Variants in CHD1 observed in about 807,000 individuals in gnomAD.
CHD1 encodes the protein chromodomain helicase DNA binding protein 1.
A neutral mutation model predicts 224.2 loss-of-function variants in CHD1; 36 were observed. The observed-to-expected ratio is 0.16, with a 90% CI of 0.12 to 0.21. CHD1 has a LOEUF of 0.21. Ranked by LOEUF, CHD1 falls within the 10% of genes least tolerant of loss-of-function variation. The pLI, the probability that CHD1 is intolerant of heterozygous loss-of-function variation, is 1.00. For missense variants in CHD1, 1,378 were observed against 1,994.8 expected, an observed-to-expected ratio of 0.69 and a Z score of 5.89; for synonymous variants, 668 against 658.3, an observed-to-expected ratio of 1.01 and a Z score of -0.23.
intron 24 of CHD1, among the ~76,000 whole-genome samples, chr5:98,875,942 T>C (rs1749715915): frequency 6.6e-6 from 1 of 152,168 alleles, no homozygotes; most frequent in South Asian, 2.1e-4. Flanking sequence ...CAATCTTACC[T>C]CATCTCAATT....
rs1749746402 is a variant in CHD1, at chr5:98,876,251, A to C, written c.3398+147T>G. 5 of 771,894 alleles carry C rather than the reference A, an allele frequency of 6.5e-6. No individual in the cohort carries two copies. The South Asian group carries it at 7.5e-5, about 12-fold the overall frequency. The allele number at this position is 771,894 out of a possible 1,614,324, so 47.8% of individuals were successfully genotyped here. The stretch of plus-strand genomic sequence containing the variant: ...TTTTGTTCAGTTATAACAAATACCC[A>C]AAAGCAGAACCACCCAATTCCTACT... On this transcript the variant is annotated intron_variant, in intron 24 of 35. Transcript: ENST00000614616.
intron 23 of CHD1, among the ~76,000 whole-genome samples, chr5:98,878,786 G>A (rs1749955839): frequency 6.6e-6 from 1 of 152,048 alleles, no homozygotes; most frequent in Admixed American, 6.5e-5. Flanking sequence ...AAGTCATATG[G>A]GAAATTTTAA....
At chr5:98,866,906 T>C (rs956180546) in intron 31 of CHD1, among the ~76,000 whole-genome samples, 3 of 152,160 alleles carry the variant, frequency 2.0e-5, no homozygotes, top group South Asian at 2.1e-4. Context: ...AATTGGACTT[T>C]TTAGTCTCAC....
chr5:98,892,255 AC>A (rs1392370094), intron 15 of CHD1, among the ~76,000 whole-genome samples: 1 of 152,122 alleles, frequency 6.6e-6, no homozygotes, highest in Non-Finnish European at 1.5e-5. Flanking sequence ...TAACACTTAA[AC>A]TCTTTATAAG....
chr5:98,892,786 T>C, intron 14 of CHD1, 73 bp from the exon 15 acceptor site: 1 of 923,380 alleles, frequency 1.1e-6, no homozygotes, highest in Non-Finnish European at 1.5e-6. Context: ...AACTTTTTTT[T>C]TTAGGGGAGT....
At chr5:98,878,690 C>T (rs1467049067) in intron 23 of CHD1, among the ~76,000 whole-genome samples, 1 of 151,886 alleles carries the variant, frequency 6.6e-6, no homozygotes, top group African/African-American at 2.4e-5. Flanking sequence ...ATTAAACTAC[C>T]AATGATTAAC....
chr5:98,899,763 T>G (rs1383657653), intron 7 of CHD1, 58 bp from the exon 8 acceptor site: 2 of 1,259,930 alleles, frequency 1.6e-6, no homozygotes, highest in Admixed American at 2.1e-5. Flanking sequence ...GGATTATATT[T>G]CAACTCAAAA....
At chr5:98,906,959 C>T (rs1026288439) in intron 2 of CHD1, among the ~76,000 whole-genome samples, 1 of 152,166 alleles carries the variant, frequency 6.6e-6, no homozygotes, top group African/African-American at 2.4e-5. Context: ...CAGAGTGCCT[C>T]ACACAGATGG....
Position 98,917,299 on chromosome 5 carries a change from C to A in CHD1, c.53+9035G>T, listed in dbSNP as rs7713634. 3.5e-4 allele frequency among the ~76,000 whole-genome samples: 42 copies of A among 119,804 alleles called. 1 individual carries two copies. The highest frequency in any genetic ancestry group is 6.8e-4 in the East Asian group (3 of 4,426). 78.6% of individuals were successfully genotyped at this position (119,804 alleles called of 152,430 possible). ...GCCCATCCCTCCAAAAACAAAGAAA[C>A]AAAAAAAAAAAACAACCTCTTAATT... is the stretch of plus-strand genomic sequence containing the variant. On this transcript the variant is annotated intron_variant, in intron 2 of 35. Transcript: ENST00000614616.
chr5:98,865,584 G>GA (rs2112473426), intron 31 of CHD1, among the ~76,000 whole-genome samples: 1 of 152,324 alleles, frequency 6.6e-6, no homozygotes, highest in East Asian at 1.9e-4. Context: ...ACTGACCTCA[G>GA]ACTCTGCTCT....
Position 98,868,563 on chromosome 5 carries a change from T to C in CHD1, c.4180A>G (p.Thr1394Ala), listed in dbSNP as rs376449239. The change falls in exon 31 of 36, where the codon ACG becomes GCG. Residue 1394 changes from threonine (T) to alanine (A), a missense_variant. By Grantham distance (58) the Thr-to-Ala change is moderately conservative. Around this residue, in one of 16 missense-constraint regions of CHD1, gnomAD observed 105 missense variants for 93.4 expected, o/e 1.12. Transcript: ENST00000614616. ...ATGGGAACTGGTTCACCACTTGCCG[T>C]GATATGAACTGGAGCATCTGACACT... ...SSVSDAPVHI[T>A]ASGEPVPISE... 37 of 1,612,550 alleles carry C rather than the reference T, an allele frequency of 2.3e-5. No individual in the cohort carries two copies. Among genetic ancestry groups the C allele is most frequent in the Non-Finnish European group, 3.1e-5 (37 of 1,179,644 alleles).
intron 14 of CHD1, among the ~76,000 whole-genome samples, chr5:98,893,210 C>A (rs1751131596): frequency 6.6e-6 from 1 of 152,168 alleles, no homozygotes; most frequent in Admixed American, 6.5e-5. Context: ...TGATTTATTA[C>A]ACATGGCTTA....
At chr5:98,898,821 CT>C in intron 8 of CHD1, 57 bp from the exon 9 acceptor site, 1 of 927,122 alleles carries the variant, frequency 1.1e-6, no homozygotes, top group South Asian at 1.4e-5. Context: ...TAACCTTTCA[CT>C]CCCCCATCCC....
chr5:98,920,795 T>G (rs1247384185), intron 2 of CHD1, among the ~76,000 whole-genome samples: 1 of 125,544 alleles, frequency 8.0e-6, no homozygotes, highest in Non-Finnish European at 1.6e-5. Flanking sequence ...AGACGCCGTC[T>G]CAAAAAAAAA....
chr5:98,881,133 A>G lies in CHD1; in HGVS notation c.3003T>C (p.Thr1001=). 1 of 1,610,550 alleles carries G rather than the reference A, an allele frequency of 6.2e-7. No individual in the cohort carries two copies. Among genetic ancestry groups the G allele is most frequent in the Non-Finnish European group, 8.5e-7 (1 of 1,177,912 alleles). ...TTAAAGGACCTGGTTCATTTTCATGAGTTTCAGCTCTCTTCAAGATTTCAT... is the reference window on the plus strand; with the variant it reads ...TTAAAGGACCTGGTTCATTTTCATGGGTTTCAGCTCTCTTCAAGATTTCAT... ...DIDEILKRAE[T]HENEPGPLTV... The change falls in exon 22 of 36, where the codon ACT becomes ACC. Residue 1001 remains threonine (T), a synonymous_variant. Coordinates refer to ENST00000614616, the MANE Select transcript of CHD1 (RefSeq NM_001270.4).
intron 2 of CHD1, among the ~76,000 whole-genome samples, chr5:98,923,576 A>G (rs564103283): frequency 3.4e-4 from 52 of 151,938 alleles, no homozygotes; most frequent in Admixed American, 1.3e-3. Flanking sequence ...CACCACACCC[A>G]GCTCATTTTG....
chr5:98,861,581 G>A (rs1200815042), intron 32 of CHD1, among the ~76,000 whole-genome samples: 2 of 151,670 alleles, frequency 1.3e-5, no homozygotes, highest in South Asian at 2.1e-4. Context: ...AAATAGCTGC[G>A]ACCTCTACCT....
At position 98,889,222 on chromosome 5, in the gene CHD1, T is replaced by C; in HGVS notation, c.2197A>G (p.Asn733Asp). The C allele has an allele frequency of 6.3e-7, 1 of 1,577,672 alleles. No homozygotes were observed. The highest frequency in any genetic ancestry group is 8.6e-7 in the Non-Finnish European group (1 of 1,167,442). ...GAACCTTTGCTGAGGGCTTTGTAATTCCTAGTTAAAATCCATCTTAAAAAA... is the reference window on the plus strand; with the variant it reads ...GAACCTTTGCTGAGGGCTTTGTAATCCCTAGTTAAAATCCATCTTAAAAAA... ...KQYYKWILTR[N>D]YKALSKGSKG... is the part of the protein sequence containing the mutation. Residue 733 changes from asparagine to aspartate, a missense_variant, in exon 16 of 36, where the codon AAT becomes GAT. By Grantham distance (23) the Asn-to-Asp change is conservative. This residue lies in a region of CHD1 where 58 missense variants were observed against 90.0 expected (regional missense o/e 0.64). Transcript: ENST00000614616.
intron 32 of CHD1, among the ~76,000 whole-genome samples, chr5:98,861,744 C>T (rs1441369393): frequency 6.6e-6 from 1 of 151,202 alleles, no homozygotes; most frequent in Non-Finnish European, 1.5e-5. Flanking sequence ...CCTTGTGATG[C>T]GCCCACCTTG....
Sources: gnomAD v4.1 joint callset for allele counts (sites outside exome capture counted in the v4.1 genomes callset) on GRCh38, gnomAD v4.1.1 for gene constraint, gnomAD v4.1.1 regional missense constraint, MANE v1.5 for transcripts, NCBI Gene and HGNC (gene_info 2026-07-23, HGNC 2026-07-21) for gene names.